Variants in STAU2 observed in about 807,000 individuals in gnomAD.
STAU2 encodes the protein staufen double-stranded RNA binding protein 2.
In STAU2, 20 loss-of-function variants were observed where a neutral mutation model predicts 65.9. The ratio of observed to expected loss-of-function variants is 0.30; its 90% confidence interval spans 0.21 to 0.44. The LOEUF (loss-of-function observed/expected upper bound fraction) is 0.44, where lower values mean the gene tolerates loss of function less well. Ranked by LOEUF, STAU2 falls within the 20% of genes least tolerant of loss-of-function variation. The pLI is 1.00. For missense variants in STAU2, 558 were observed against 683.9 expected (o/e 0.82, Z 2.05); for synonymous variants, 232 against 233.9 (o/e 0.99, Z 0.07).
intron 6 of STAU2, among the ~76,000 whole-genome samples, chr8:73,654,120 CTG>C (rs1430966731): frequency 1.3e-5 from 2 of 151,962 alleles, no homozygotes; most frequent in African/African-American, 4.8e-5. Context: ...TATATTAAGC[CTG>C]TGACTCAAAA....
chr8:73,596,730 T>A (rs1811216317), intron 10 of STAU2, among the ~76,000 whole-genome samples: 1 of 152,108 alleles, frequency 6.6e-6, no homozygotes, highest in Non-Finnish European at 1.5e-5. Flanking sequence ...ATGGCTGTAG[T>A]CCCAGCTACT....
intron 6 of STAU2, among the ~76,000 whole-genome samples, chr8:73,625,185 C>A (rs567261461): frequency 2.0e-5 from 3 of 152,254 alleles, no homozygotes; most frequent in African/African-American, 7.2e-5. Flanking sequence ...AGCAGAATTA[C>A]CACTTGACCC....
chr8:73,604,500 G>C (rs1811870738), intron 9 of STAU2, among the ~76,000 whole-genome samples: 1 of 151,984 alleles, frequency 6.6e-6, no homozygotes. Context: ...CAAAGTGCTG[G>C]GATTACAGGT....
intron 4 of STAU2, among the ~76,000 whole-genome samples, chr8:73,702,599 A>C (rs1357731114): frequency 6.6e-6 from 1 of 152,182 alleles, no homozygotes; most frequent in Admixed American, 6.5e-5. Flanking sequence ...AAAAAGAGAC[A>C]AAGAATATTA....
At chr8:73,746,242 CG>C (rs1807267322) in intron 1 of STAU2, among the ~76,000 whole-genome samples, 1 of 151,952 alleles carries the variant, frequency 6.6e-6, no homozygotes, top group South Asian at 2.1e-4. Context: ...CGGCGCGCCC[CG>C]GCCCCGCCGC....
intron 5 of STAU2, among the ~76,000 whole-genome samples, chr8:73,684,619 T>A (rs935156767): frequency 1.3e-5 from 2 of 152,060 alleles, no homozygotes; most frequent in Admixed American, 1.3e-4. Flanking sequence ...GGGACTTAAT[T>A]AAACTAAAAA....
chr8:73,620,585 C>A (rs969265728), intron 6 of STAU2, among the ~76,000 whole-genome samples: 1 of 152,136 alleles, frequency 6.6e-6, no homozygotes. Flanking sequence ...GCCCTTGGGG[C>A]CTCTCCCTTT....
chr8:73,467,958 A>C lies in STAU2; in HGVS notation c.1531-45256T>G, dbSNP rs376526686. On this transcript the variant is annotated intron_variant, in intron 13 of 14. Coordinates refer to ENST00000524300, the MANE Select transcript of STAU2 (RefSeq NM_001164380.2). ...TCACAGAATTGGAAAAAACTACTTTAAAGTTCATATGCAACCAAAAAAGAG... is the reference window on the plus strand; with the variant it reads ...TCACAGAATTGGAAAAAACTACTTTCAAGTTCATATGCAACCAAAAAAGAG... Among the ~76,000 whole-genome samples the C allele has an allele frequency of 3.1e-4, 47 of 152,338 alleles. No homozygotes were observed. The South Asian group carries it at 8.3e-3, about 27-fold the overall frequency.
intron 3 of STAU2, among the ~76,000 whole-genome samples, chr8:73,715,866 A>T (rs1391462153): frequency 6.6e-6 from 1 of 152,196 alleles, no homozygotes; most frequent in Non-Finnish European, 1.5e-5. Flanking sequence ...AAAACTTTGC[A>T]AACTGGTGAA....
chr8:73,479,889 C>T (rs1475651109), intron 13 of STAU2, among the ~76,000 whole-genome samples: 7 of 151,932 alleles, frequency 4.6e-5, no homozygotes, highest in Admixed American at 2.6e-4. Flanking sequence ...CAAAAAAAAG[C>T]ATCCCACACT....
intron 13 of STAU2, among the ~76,000 whole-genome samples, chr8:73,432,823 C>T (rs907610346): frequency 2.0e-5 from 3 of 152,094 alleles, no homozygotes; most frequent in Non-Finnish European, 4.4e-5. Flanking sequence ...AACAAAGGAG[C>T]ATCTGCCTGC....
chr8:73,651,358 G>A lies in STAU2; in HGVS notation c.410+21749C>T, dbSNP rs558395590. 4 of 680,446 alleles carry A rather than the reference G, an allele frequency of 5.9e-6. No homozygotes were observed. In the East Asian group the frequency reaches 1.1e-4, roughly 19 times the overall value. 42.2% of individuals were successfully genotyped at this position (680,446 alleles called of 1,614,324 possible). On this transcript the variant is annotated intron_variant, in intron 6 of 14. Transcript: ENST00000524300. ...GCATCTTCCAGCACCACCAGTACCT[G>A]GGCCCTCTGGAGTGGAAGAGGCTGG... is the stretch of plus-strand genomic sequence containing the variant.
chr8:73,668,866 G>A, intron 6 of STAU2: 1 of 507,890 alleles, frequency 2.0e-6, no homozygotes, highest in Non-Finnish European at 3.5e-6. Flanking sequence ...AAGTTCAAGT[G>A]GAGAAACATC....
intron 12 of STAU2, among the ~76,000 whole-genome samples, chr8:73,564,433 T>C (rs2079724708): frequency 6.6e-6 from 1 of 152,112 alleles, no homozygotes. Flanking sequence ...AGGAGCTACA[T>C]TATGAGACCA....
intron 3 of STAU2, among the ~76,000 whole-genome samples, chr8:73,734,286 G>A (rs1211233969): frequency 7.8e-6 from 1 of 127,500 alleles, no homozygotes; most frequent in African/African-American, 3.0e-5. Flanking sequence ...AGCATAAGTT[G>A]CACATGGATA....
intron 2 of STAU2, among the ~76,000 whole-genome samples, chr8:73,738,561 G>A (rs945649300): frequency 1.2e-4 from 19 of 152,286 alleles, no homozygotes; most frequent in African/African-American, 4.3e-4. Flanking sequence ...TTGAAATGTG[G>A]CTAGAGCAAT....
chr8:73,729,220 T>C (rs1805871640), intron 3 of STAU2, among the ~76,000 whole-genome samples: 1 of 152,230 alleles, frequency 6.6e-6, no homozygotes, highest in Non-Finnish European at 1.5e-5. Context: ...TATTAATGTG[T>C]TGTACTACAC....
intron 3 of STAU2, among the ~76,000 whole-genome samples, chr8:73,730,585 G>A (rs1204502119): frequency 6.6e-6 from 1 of 151,996 alleles, no homozygotes; most frequent in East Asian, 1.9e-4. Flanking sequence ...AAATTAGCTG[G>A]GTGTGGTGGT....
chr8:73,646,938 GACACACACACACAC>G (rs142043134), intron 6 of STAU2, among the ~76,000 whole-genome samples: 4 of 143,968 alleles, frequency 2.8e-5, no homozygotes, highest in Non-Finnish European at 4.6e-5. Context: ...CACACAGCCA[GACACACACACACAC>G]ACACACACAC....
Sources: gnomAD v4.1 joint callset for allele counts (sites outside exome capture counted in the v4.1 genomes callset) on GRCh38, gnomAD v4.1.1 for gene constraint, MANE v1.5 for transcripts, NCBI Gene and HGNC (gene_info 2026-07-23, HGNC 2026-07-21) for gene names.